SHANK2: variants seen among roughly 807,000 people sequenced by gnomAD.
The protein encoded by SHANK2 is SH3 and multiple ankyrin repeat domains protein 2.
SHANK2 carries 43 observed loss-of-function variants against 133.7 expected under a neutral mutation model. That is an observed-to-expected ratio of 0.32 (90% CI 0.25 to 0.41). SHANK2 has a LOEUF of 0.41. Ranked by LOEUF, SHANK2 falls within the 10% of genes least tolerant of loss-of-function variation. The pLI is 1.00. For synonymous variants in SHANK2, 1,017 were observed against 952.8 expected (o/e 1.07, Z -1.24); for missense variants, 1,994 against 2,235.8 (o/e 0.89, Z 2.18).
chr11:71,136,089 G>A (rs1164959243), intron 3 of SHANK2, among the ~76,000 whole-genome samples: 1 of 152,098 alleles, frequency 6.6e-6, no homozygotes, highest in South Asian at 2.1e-4. Flanking sequence ...TGGTCCCCAC[G>A]GCGAAAAAGT....
intron 15 of SHANK2, among the ~76,000 whole-genome samples, chr11:70,685,081 C>G (rs1310185075): frequency 6.6e-6 from 1 of 152,112 alleles, no homozygotes; most frequent in Non-Finnish European, 1.5e-5. Flanking sequence ...GCCATTCCCC[C>G]AGATGGTGTG....
rs73532069 is a variant in SHANK2 at position 70,840,327 on chromosome 11, G to A, written c.1175-19645C>T. 4.8e-3 allele frequency among the ~76,000 whole-genome samples: 724 copies of A among 152,310 alleles called. 7 individuals carry two copies. Among genetic ancestry groups the A allele is most frequent in the African/African-American group, 0.016 (654 of 41,574 alleles). ...GGCAGAGATGCCCAAGGGCAGGTCC[G>A]CAGACCCACCTGCGTGTTCTGGGTG... On this transcript the variant is annotated intron_variant, in intron 11 of 25. Coordinates refer to ENST00000601538, the MANE Select transcript of SHANK2 (RefSeq NM_012309.5).
intron 3 of SHANK2, among the ~76,000 whole-genome samples, chr11:71,139,092 C>T (rs1302878554): frequency 3.3e-5 from 5 of 152,114 alleles, no homozygotes; most frequent in South Asian, 2.1e-4. Context: ...GGAAGATGCA[C>T]GTGCTTTATA....
rs1555034238 is a variant in SHANK2 at position 70,739,292 on chromosome 11, T to TCATCTCCACC, written c.1778-40539_1778-40530dup. Among the ~76,000 whole-genome samples, 1 of 151,688 alleles carries TCATCTCCACC rather than the reference T, an allele frequency of 6.6e-6. No homozygotes were observed. The highest frequency in any genetic ancestry group is 2.4e-5 in the African/African-American group (1 of 41,298). ...ATCTCCCATCTCCACCCATCTCCAC[T>TCATCTCCACC]CATCTCCACCCATCTCCACACATCT... On this transcript the variant is annotated intron_variant, in intron 14 of 25. Transcript: ENST00000601538. This position sits in a 1 kb window ranked among gnomAD's most constrained non-coding sequence, Gnocchi z 4.3.
chr11:70,685,846 T>G (rs1303965024), intron 15 of SHANK2, among the ~76,000 whole-genome samples: 10 of 152,158 alleles, frequency 6.6e-5, no homozygotes, highest in African/African-American at 2.2e-4. Context: ...GTGCTGACAA[T>G]GTACCAAGTA....
intron 13 of SHANK2, among the ~76,000 whole-genome samples, chr11:70,803,538 T>A (rs1948099376): frequency 6.6e-6 from 1 of 150,782 alleles, no homozygotes; most frequent in South Asian, 2.1e-4. Context: ...GAGGAGCTTG[T>A]TAACTATTCA....
At chr11:70,579,512 G>A (rs1341373865) in intron 17 of SHANK2, among the ~76,000 whole-genome samples, 1 of 152,118 alleles carries the variant, frequency 6.6e-6, no homozygotes, top group South Asian at 2.1e-4. Flanking sequence ...GCATGGATGA[G>A]GCTGGGCCCC....
intron 10 of SHANK2, among the ~76,000 whole-genome samples, chr11:70,901,953 T>C (rs1399361750): frequency 1.3e-5 from 2 of 152,204 alleles, no homozygotes; most frequent in Non-Finnish European, 2.9e-5. Flanking sequence ...CCCTGGCTTC[T>C]GCGGCTAGGA....
intron 14 of SHANK2, among the ~76,000 whole-genome samples, chr11:70,736,338 C>T (rs959416441): frequency 6.6e-6 from 1 of 152,264 alleles, no homozygotes. Context: ...CCCTAGCCCC[C>T]GAAACCCACG....
chr11:71,080,185 C>T (rs1951279180), intron 8 of SHANK2, among the ~76,000 whole-genome samples: 1 of 152,056 alleles, frequency 6.6e-6, no homozygotes, highest in Non-Finnish European at 1.5e-5. Context: ...GCACCCCGTA[C>T]CCACTCTCCT....
intron 17 of SHANK2, among the ~76,000 whole-genome samples, chr11:70,574,654 G>A (rs546739716): frequency 8.0e-5 from 10 of 124,610 alleles, no homozygotes; most frequent in African/African-American, 2.7e-4. Context: ...GCTCCACCAC[G>A]GAGCAGGAAG....
intron 2 of SHANK2, among the ~76,000 whole-genome samples, chr11:71,167,239 T>G (rs1295108350): frequency 1.3e-5 from 2 of 152,054 alleles, no homozygotes; most frequent in Non-Finnish European, 2.9e-5. Flanking sequence ...TCCCCACCTT[T>G]CCCCCCTTTC....
chr11:70,922,148 C>G (rs1350553626), intron 10 of SHANK2, among the ~76,000 whole-genome samples: 2 of 152,060 alleles, frequency 1.3e-5, no homozygotes, highest in Non-Finnish European at 2.9e-5. Context: ...TTAAGGACCT[C>G]AAAGGTAGGC....
intron 6 of SHANK2, among the ~76,000 whole-genome samples, chr11:71,108,558 T>G (rs1951836322): frequency 6.6e-6 from 1 of 151,954 alleles, no homozygotes; most frequent in South Asian, 2.1e-4. Flanking sequence ...AGCCTCCTGC[T>G]CCAGGCCACC....
intron 10 of SHANK2, among the ~76,000 whole-genome samples, chr11:70,931,381 C>G (rs1348216586): frequency 6.6e-6 from 1 of 152,192 alleles, no homozygotes; most frequent in Non-Finnish European, 1.5e-5. Flanking sequence ...CTCAATAAAG[C>G]AGTCTTTTAA....
chr11:70,875,922 C>T (rs568853774), intron 11 of SHANK2, among the ~76,000 whole-genome samples: 4 of 151,240 alleles, frequency 2.6e-5, no homozygotes, highest in South Asian at 4.2e-4. Context: ...TTTGGGAGCC[C>T]GAGGTGGGCA....
chr11:70,853,484 C>CG, intron 11 of SHANK2, among the ~76,000 whole-genome samples: 1 of 152,220 alleles, frequency 6.6e-6, no homozygotes, highest in South Asian at 2.1e-4. Flanking sequence ...CAGCCTTAAG[C>CG]GTCTTTCTCA....
At chr11:70,648,005 A>C (rs1321159986) in intron 17 of SHANK2, among the ~76,000 whole-genome samples, 1 of 152,266 alleles carries the variant, frequency 6.6e-6, no homozygotes, top group Non-Finnish European at 1.5e-5. Flanking sequence ...GAAACAGCCC[A>C]AGTGTCCCTG....
intron 17 of SHANK2, among the ~76,000 whole-genome samples, chr11:70,525,944 T>G (rs2059390383): frequency 6.6e-6 from 1 of 150,784 alleles, no homozygotes; most frequent in Admixed American, 6.6e-5. Context: ...TGCCCATCAT[T>G]CTCAGCCAGC....
Sources: gnomAD v4.1 joint callset for allele counts (sites outside exome capture counted in the v4.1 genomes callset) on GRCh38, gnomAD v4.1.1 for gene constraint, Gnocchi (gnomAD v3.1) non-coding constraint, MANE v1.5 for transcripts, NCBI Gene and HGNC (gene_info 2026-07-23, HGNC 2026-07-21) for gene names.